PBRM1: variants seen among roughly 807,000 people sequenced by gnomAD.
PBRM1 encodes the protein polybromo 1, also known as protein polybromo-1.
In PBRM1, 27 loss-of-function variants were observed where a neutral mutation model predicts 194.5. The observed-to-expected ratio is 0.14, with a 90% CI of 0.10 to 0.19. The LOEUF is 0.19. Ranked by LOEUF, PBRM1 falls within the 10% of genes least tolerant of loss-of-function variation. The pLI is 1.00. For synonymous variants in PBRM1, 655 were observed against 693.2 expected, an observed-to-expected ratio of 0.94 and a Z score of 0.87; for missense variants, 1,466 against 2,077.2, an observed-to-expected ratio of 0.71 and a Z score of 5.72.
At chr3:52,619,477 T>C (rs991388030) in intron 13 of PBRM1, among the ~76,000 whole-genome samples, 3 of 152,250 alleles carry the variant, frequency 2.0e-5, no homozygotes, top group African/African-American at 7.2e-5. Flanking sequence ...AGTCTGTACA[T>C]GTACAGTAAA....
At chr3:52,640,650 TC>T (rs1013486255) in intron 10 of PBRM1, among the ~76,000 whole-genome samples, 26 of 151,108 alleles carry the variant, frequency 1.7e-4, no homozygotes, top group African/African-American at 6.1e-4. Flanking sequence ...AACCTCTTTT[TC>T]TTCCCCCCAA....
rs539366003 is a variant in PBRM1, at chr3:52,616,541, A to C, written c.1818+721T>G. Among the ~76,000 whole-genome samples, 8 of 152,202 alleles carry C rather than the reference A, an allele frequency of 5.3e-5. No individual in the cohort carries two copies. In the East Asian group the frequency reaches 1.5e-3, roughly 29 times the overall value. ...ACCCCATCTCTACTAAAAGTACAAA[A>C]AATTAGCTGGGCGTGGTGGTGGGCA... On this transcript the variant is annotated intron_variant, in intron 14 of 29. Transcript: ENST00000296302.
intron 22 of PBRM1, among the ~76,000 whole-genome samples, chr3:52,566,028 CG>C (rs1443067501): frequency 6.6e-6 from 1 of 151,366 alleles, no homozygotes; most frequent in Non-Finnish European, 1.5e-5. Context: ...CCAGCCTGGG[CG>C]AAAGAGCGAG....
At chr3:52,628,794 AG>A in intron 12 of PBRM1, 99 bp downstream of exon 13, 4 of 1,057,690 alleles carry the variant, frequency 3.8e-6, no homozygotes, top group Non-Finnish European at 4.3e-6. Context: ...ATTACTGCTG[AG>A]GGTGGGGGGG....
At chr3:52,634,926 A>G (rs1231608805) in intron 10 of PBRM1, 111 bp from the exon 12 acceptor site, 3 of 746,214 alleles carry the variant, frequency 4.0e-6, no homozygotes, top group Admixed American at 2.8e-5. Context: ...TTTGAAAACT[A>G]TTATTACTAT....
At chr3:52,664,920 G>C (rs932045313) in intron 3 of PBRM1, among the ~76,000 whole-genome samples, 3 of 152,018 alleles carry the variant, frequency 2.0e-5, no homozygotes, top group African/African-American at 7.2e-5. Context: ...ACCAATCTAA[G>C]ATTTATGAAG....
intron 11 of PBRM1, among the ~76,000 whole-genome samples, chr3:52,631,926 T>C (rs1577107866): frequency 6.6e-6 from 1 of 152,240 alleles, no homozygotes; most frequent in East Asian, 1.9e-4. Flanking sequence ...CCAAGTGATT[T>C]TGAACACATT....
upstream of PBRM1, among the ~76,000 whole-genome samples, chr3:52,683,447 T>C (rs750009530): frequency 6.6e-6 from 1 of 152,078 alleles, no homozygotes; most frequent in Non-Finnish European, 1.5e-5. Context: ...ATATTCATTT[T>C]TGTAGACCTG....
chr3:52,628,191 C>T (rs2095504349), intron 12 of PBRM1, among the ~76,000 whole-genome samples: 1 of 151,924 alleles, frequency 6.6e-6, no homozygotes, highest in South Asian at 2.1e-4. Context: ...CCTACTTTAA[C>T]AAAGTCTAGA....
chr3:52,673,853 C>T (rs2097015647), intron 2 of PBRM1, among the ~76,000 whole-genome samples: 1 of 151,602 alleles, frequency 6.6e-6, no homozygotes, highest in South Asian at 2.1e-4. Flanking sequence ...GAGTTTAAGA[C>T]CAGCCTGGGC....
At chr3:52,673,417 C>T (rs957071658) in intron 2 of PBRM1, among the ~76,000 whole-genome samples, 25 of 151,238 alleles carry the variant, frequency 1.7e-4, no homozygotes, top group Non-Finnish European at 3.1e-4. Context: ...GCCTGTAATC[C>T]CAGCACTTTG....
upstream of PBRM1, among the ~76,000 whole-genome samples, chr3:52,683,917 TC>T (rs2154083900): frequency 9.6e-6 from 1 of 104,304 alleles, no homozygotes; most frequent in East Asian, 2.7e-4. Context: ...ATATCTGTAG[TC>T]CCAGCACTTG....
intron 17 of PBRM1, among the ~76,000 whole-genome samples, chr3:52,599,018 CAAAAA>C (rs59170143): frequency 2.7e-3 from 311 of 114,378 alleles, no homozygotes; most frequent in African/African-American, 5.2e-3. Flanking sequence ...CCAGATATCT[CAAAAA>C]AAAAAAAAAA....
chr3:52,658,581 G>A (rs2096655219), intron 4 of PBRM1, among the ~76,000 whole-genome samples: 1 of 151,968 alleles, frequency 6.6e-6, no homozygotes, highest in Non-Finnish European at 1.5e-5. Context: ...TTTTAGTAGA[G>A]ACGGGGTTTC....
At chr3:52,636,265 G>A (rs2095807350) in intron 10 of PBRM1, among the ~76,000 whole-genome samples, 1 of 152,132 alleles carries the variant, frequency 6.6e-6, no homozygotes, top group Non-Finnish European at 1.5e-5. Flanking sequence ...TTCCCTTGCT[G>A]AGGGAATTTT....
chr3:52,563,408 C>T (rs1292028795), exon 24 of PBRM1: 3 of 1,613,862 alleles, frequency 1.9e-6, no homozygotes, highest in African/African-American at 1.3e-5. Context: ...TCATCTCCAC[C>T]TTCTAACTCG....
intron 5 of PBRM1, among the ~76,000 whole-genome samples, chr3:52,657,766 G>C (rs2153837822): frequency 6.7e-6 from 1 of 150,124 alleles, no homozygotes; most frequent in South Asian, 2.1e-4. Flanking sequence ...CACTGCGCCT[G>C]GCCCAACATC....
At chr3:52,643,133 T>G in intron 9 of PBRM1, 115 bp downstream of exon 10, 5 of 777,564 alleles carry the variant, frequency 6.4e-6, no homozygotes, top group Non-Finnish European at 1.1e-5. Context: ...CAGATTCTCA[T>G]TAACAACCAA....
chr3:52,586,743 T>TAAA, intron 19 of PBRM1, 55 bp from the exon 22 acceptor site: 2 of 236,658 alleles, frequency 8.5e-6, no homozygotes, highest in Non-Finnish European at 6.0e-6. Flanking sequence ...TTTCTGAAAA[T>TAAA]CAATCAAAAA....
Sources: gnomAD v4.1 joint callset for allele counts (sites outside exome capture counted in the v4.1 genomes callset) on GRCh38, gnomAD v4.1.1 for gene constraint, MANE v1.5 for transcripts, NCBI Gene and HGNC (gene_info 2026-07-23, HGNC 2026-07-21) for gene names.